Variants in CPXM2 observed in about 807,000 individuals in gnomAD.
CPXM2 encodes inactive carboxypeptidase-like protein X2.
Under a neutral mutation model 86.1 loss-of-function variants are expected in CPXM2, and 66 were observed. The ratio of observed to expected loss-of-function variants is 0.77; its 90% confidence interval spans 0.63 to 0.94. CPXM2 has a LOEUF of 0.94. Among genes scored for constraint, CPXM2 ranks in the 40% least tolerant of loss-of-function variants. The pLI is 0.00. For missense variants in CPXM2, 948 were observed against 1,026.3 expected, an observed-to-expected ratio of 0.92 and a Z score of 1.04; for synonymous variants, 388 against 400.2, an observed-to-expected ratio of 0.97 and a Z score of 0.36.
Position 123,761,857 on chromosome 10 carries a change from C to A in CPXM2, c.1777+15G>T, listed in dbSNP as rs1391716936. On this transcript the variant is annotated intron_variant, in intron 11 of 13. Transcript: ENST00000241305. Reference sequence around the variant, plus strand: ...CCTGCGCCCGCAGCCCACTCTCCCCCAGAGGGAGGCTTACTTCCAGCGACG... The same window carrying A: ...CCTGCGCCCGCAGCCCACTCTCCCCAAGAGGGAGGCTTACTTCCAGCGACG... 1.2e-6 allele frequency: 2 copies of A among 1,610,522 alleles called. No homozygotes were observed. Among genetic ancestry groups the A allele is most frequent in the South Asian group, 2.2e-5 (2 of 90,600 alleles).
At chr10:123,897,617 C>T (rs545661716) in intron 2 of CPXM2, among the ~76,000 whole-genome samples, 1 of 152,262 alleles carries the variant, frequency 6.6e-6, no homozygotes, top group South Asian at 2.1e-4. Context: ...CTTTAGCTTC[C>T]AGTAAATCTC....
intron 3 of CPXM2, 69 bp downstream of exon 3, chr10:123,862,545 G>C (rs1848874148): frequency 1.5e-6 from 2 of 1,377,788 alleles, no homozygotes; most frequent in Non-Finnish European, 2.1e-6. Context: ...CGCATTGCCT[G>C]ATCCAAGCTC....
intron 7 of CPXM2, among the ~76,000 whole-genome samples, chr10:123,774,939 G>A (rs974116803): frequency 1.3e-5 from 2 of 152,182 alleles, no homozygotes; most frequent in African/African-American, 4.8e-5. Flanking sequence ...AACAAGAACA[G>A]GAACAATACG....
At chr10:123,768,056 C>T (rs1846526554) in intron 9 of CPXM2, among the ~76,000 whole-genome samples, 1 of 152,162 alleles carries the variant, frequency 6.6e-6, no homozygotes, top group East Asian at 1.9e-4. Context: ...TTTCATAAAC[C>T]TTGTAGGCTT....
intron 4 of CPXM2, among the ~76,000 whole-genome samples, chr10:123,824,844 T>G (rs545412579): frequency 4.0e-4 from 61 of 152,316 alleles, no homozygotes; most frequent in African/African-American, 1.2e-3. Context: ...CATTTTGTAA[T>G]GAAATATGAC....
At chr10:123,832,852 G>A (rs1384753428) in intron 4 of CPXM2, among the ~76,000 whole-genome samples, 1 of 137,478 alleles carries the variant, frequency 7.3e-6, no homozygotes, top group Non-Finnish European at 1.5e-5. Context: ...TGGGTCTTTG[G>A]GGGTAGAGCA....
chr10:123,860,749 T>C (rs1224931601), intron 3 of CPXM2, among the ~76,000 whole-genome samples: 1 of 151,282 alleles, frequency 6.6e-6, no homozygotes, highest in Non-Finnish European at 1.5e-5. Context: ...GACACGAACA[T>C]AGCTCCAGCT....
intron 2 of CPXM2, among the ~76,000 whole-genome samples, chr10:123,864,091 G>T (rs1848922954): frequency 6.6e-6 from 1 of 152,140 alleles, no homozygotes; most frequent in South Asian, 2.1e-4. Context: ...CTAAGCTGGG[G>T]TTGCTGCCCT....
intron 7 of CPXM2, among the ~76,000 whole-genome samples, chr10:123,774,728 A>G (rs1331543203): frequency 1.3e-5 from 2 of 152,178 alleles, no homozygotes; most frequent in Non-Finnish European, 2.9e-5. Context: ...TATTTAGGTG[A>G]GAGAAAGCTG....
At chr10:123,756,447 G>A (rs1219749) in intron 12 of CPXM2, among the ~76,000 whole-genome samples, 105,079 of 151,958 alleles carry the variant, frequency 0.69, 37,225 homozygotes, top group Non-Finnish European at 0.77. Context: ...GGCAGCAGCA[G>A]CCCCTCCCCA....
intron 4 of CPXM2, among the ~76,000 whole-genome samples, chr10:123,837,876 G>A (rs552780383): frequency 8.5e-5 from 13 of 152,232 alleles, no homozygotes; most frequent in South Asian, 2.1e-4. Flanking sequence ...TCAGGACTGC[G>A]GTGGCTGAGC....
At chr10:123,769,736 C>T (rs1375573004) in intron 8 of CPXM2, among the ~76,000 whole-genome samples, 1 of 152,204 alleles carries the variant, frequency 6.6e-6, no homozygotes, top group East Asian at 1.9e-4. Flanking sequence ...ACAGCCCTCA[C>T]CAGGCACTGA....
At chr10:123,923,687 G>C (rs1227789567) in intron 2 of CPXM2, among the ~76,000 whole-genome samples, 1 of 152,170 alleles carries the variant, frequency 6.6e-6, no homozygotes, top group East Asian at 1.9e-4. Context: ...ATCTTGAATT[G>C]TAGCTCCCAT....
At chr10:123,921,779 A>G (rs886155578) in intron 2 of CPXM2, among the ~76,000 whole-genome samples, 2 of 152,236 alleles carry the variant, frequency 1.3e-5, no homozygotes, top group Non-Finnish European at 2.9e-5. Flanking sequence ...AGGGAGGTAA[A>G]AAGAATCCCA....
chr10:123,893,305 C>T (rs922790520), upstream of CPXM2, among the ~76,000 whole-genome samples: 13 of 152,180 alleles, frequency 8.5e-5, no homozygotes, highest in Admixed American at 2.0e-4. Flanking sequence ...AGGGCAAGGC[C>T]TCACCATTGC....
intron 11 of CPXM2, 130 bp from the exon 12 acceptor site, chr10:123,757,482 A>G (rs1846242093): frequency 3.9e-6 from 3 of 776,516 alleles, no homozygotes; most frequent in Non-Finnish European, 6.4e-6. Context: ...GATATGAAGT[A>G]TCTACTATAG....
Position 123,754,748 on chromosome 10 carries a change from A to G in CPXM2, c.1932T>C (p.Ile644=). 1 of 1,604,834 alleles carries G rather than the reference A, an allele frequency of 6.2e-7. No homozygotes were observed. The highest frequency in any genetic ancestry group is 8.5e-7 in the Non-Finnish European group (1 of 1,171,444). The change falls in exon 13 of 14, where the codon ATT becomes ATC. Residue 644 remains isoleucine (I), a synonymous_variant. Transcript: ENST00000241305. The surrounding 1 kb of genome is among the most constrained non-coding windows in gnomAD (Gnocchi z 4.0). ...IVFMEQVHRG[I]KGLVRDSHGK... ...CATGTGAATCTCTCACCAAGCCTTTAATGCCACGATGAACCTGCTCAGCAA... is the reference window on the plus strand; with the variant it reads ...CATGTGAATCTCTCACCAAGCCTTTGATGCCACGATGAACCTGCTCAGCAA...
chr10:123,891,468 C>T lies in CPXM2; in HGVS notation c.192G>A (p.Gly64=), dbSNP rs1314964098. Residue 64 remains glycine, a synonymous_variant, in exon 1 of 14, where the codon GGG becomes GGA. Coordinates refer to ENST00000241305, the MANE Select transcript of CPXM2 (RefSeq NM_198148.3). The surrounding 1 kb of genome is among the most constrained non-coding windows in gnomAD (Gnocchi z 5.6). ...GGCGCCGCTCCCACTCCTCCCCGGG[C>T]CCCGCAGGCAGCGGCGGAGAGAAGG... is the stretch of plus-strand genomic sequence containing the variant. ...LETFSPPLPA[G]PGEEWERRPQ... The T allele has an allele frequency of 3.2e-6, 5 of 1,549,906 alleles. No individual in the cohort carries two copies. In the East Asian group the frequency reaches 9.8e-5, roughly 30 times the overall value.
chr10:123,778,475 C>T (rs1011965014), intron 7 of CPXM2, among the ~76,000 whole-genome samples: 2 of 152,172 alleles, frequency 1.3e-5, no homozygotes, highest in East Asian at 1.9e-4. Context: ...CCCAGTGTCA[C>T]CCAAGGGGGC....
Sources: allele counts gnomAD v4.1 joint callset (sites outside exome capture counted in the v4.1 genomes callset), GRCh38; gene constraint gnomAD v4.1.1; non-coding constraint Gnocchi (gnomAD v3.1); transcripts MANE v1.5; gene names NCBI Gene and HGNC (gene_info 2026-07-23, HGNC 2026-07-21).